Variants in ZC3H12B observed in about 807,000 individuals in gnomAD.
ZC3H12B encodes probable ribonuclease ZC3H12B.
A neutral mutation model predicts 43.9 loss-of-function variants in ZC3H12B; 7 were observed. The observed-to-expected ratio is 0.16, with a 90% CI of 0.09 to 0.30. The LOEUF is 0.30. Among genes scored for constraint, ZC3H12B ranks in the 10% least tolerant of loss-of-function variants. ZC3H12B has a pLI of 1.00. For missense variants in ZC3H12B, 475 were observed against 670.2 expected, an observed-to-expected ratio of 0.71 and a Z score of 3.22; for synonymous variants, 222 against 241.7, an observed-to-expected ratio of 0.92 and a Z score of 0.76.
At chrX:65,184,618 G>A in the ZC3H12B span, among the ~76,000 whole-genome samples, 5 of 111,735 alleles carry the variant, frequency 4.5e-5, no homozygotes, top group African/African-American at 1.6e-4. Context: ...AAAGGGATTA[G>A]AGAGGGGTTA....
the ZC3H12B span, among the ~76,000 whole-genome samples, chrX:65,044,399 C>G: frequency 9.0e-6 from 1 of 111,261 alleles, no homozygotes; most frequent in Non-Finnish European, 1.9e-5. Flanking sequence ...GAGATGTATT[C>G]AGAGGCCAAA....
chrX:65,332,802 C>A, the ZC3H12B span, among the ~76,000 whole-genome samples: 1 of 111,831 alleles, frequency 8.9e-6, no homozygotes, highest in Non-Finnish European at 1.9e-5. Flanking sequence ...AACATAGTAT[C>A]TGTTATTAGA....
chrX:65,432,308 C>T (rs1178700567), intron 3 of ZC3H12B, among the ~76,000 whole-genome samples: 1 of 111,454 alleles, frequency 9.0e-6, no homozygotes, highest in African/African-American at 3.3e-5. Context: ...TTTAGTTTCT[C>T]CTCAGACCCA....
At chrX:65,177,004 A>T in the ZC3H12B span, among the ~76,000 whole-genome samples, 1 of 112,413 alleles carries the variant, frequency 8.9e-6, no homozygotes, top group African/African-American at 3.2e-5. Flanking sequence ...AATATCCTTG[A>T]TCAACATTGT....
chrX:65,391,020 G>A (rs1031211782), intron 2 of ZC3H12B, among the ~76,000 whole-genome samples: 1 of 111,907 alleles, frequency 8.9e-6, no homozygotes, highest in Non-Finnish European at 1.9e-5. Flanking sequence ...GACAGACTGA[G>A]ACATTTAGTT....
chrX:65,352,842 T>C, the ZC3H12B span, among the ~76,000 whole-genome samples: 2 of 111,653 alleles, frequency 1.8e-5, no homozygotes, highest in African/African-American at 3.3e-5. Context: ...CGATAAGAGA[T>C]CTTTGTTTTT....
chrX:65,450,420 CAT>C (rs1351830304), intron 3 of ZC3H12B, among the ~76,000 whole-genome samples: 1 of 60,489 alleles, frequency 1.7e-5, no homozygotes, highest in Non-Finnish European at 2.9e-5. Context: ...TGTGTATATA[CAT>C]ATATATATTT....
At chrX:65,174,663 T>G in the ZC3H12B span, among the ~76,000 whole-genome samples, 1 of 112,076 alleles carries the variant, frequency 8.9e-6, no homozygotes, top group East Asian at 2.8e-4. Context: ...CCCGGCCTTC[T>G]TAGCACTGTC....
At chrX:65,212,588 TATATATAATATATAATTAC>T in the ZC3H12B span, among the ~76,000 whole-genome samples, 1 of 81,291 alleles carries the variant, frequency 1.2e-5, no homozygotes, top group East Asian at 3.8e-4. Flanking sequence ...CAGTATATAT[TATATATAATATATAATTAC>T]ATATATGATA....
chrX:65,226,309 A>T, the ZC3H12B span, among the ~76,000 whole-genome samples: 2 of 111,362 alleles, frequency 1.8e-5, no homozygotes, highest in Non-Finnish European at 3.8e-5. Flanking sequence ...TCCTTTACAG[A>T]CAAGCAAATG....
At chrX:65,394,777 T>C (rs1267028367) in intron 2 of ZC3H12B, among the ~76,000 whole-genome samples, 1 of 112,227 alleles carries the variant, frequency 8.9e-6, no homozygotes, top group East Asian at 2.8e-4. Context: ...GAATTGAATC[T>C]ATAAATTACT....
Position 65,492,361 on chromosome X carries a change from A to G in ZC3H12B, c.608+2952A>G, listed in dbSNP as rs148879374. 8.0e-5 allele frequency among the ~76,000 whole-genome samples: 9 copies of G among 112,449 alleles called. No individual in the cohort carries two copies. In the East Asian group the frequency reaches 2.5e-3, roughly 31 times the overall value. On this transcript the variant is annotated intron_variant, in intron 1 of 4. Transcript: ENST00000338957. ...TTACTTGGATAATTAGTTTCAACAT[A>G]TCTGGTCTATGTCAGTAGCAAACTG...
intron 3 of ZC3H12B, among the ~76,000 whole-genome samples, chrX:65,467,680 T>C (rs1336567970): frequency 1.8e-5 from 2 of 112,379 alleles, no homozygotes; most frequent in African/African-American, 6.4e-5. Flanking sequence ...GTTATTTTAA[T>C]TTGAATTTCC....
the ZC3H12B span, among the ~76,000 whole-genome samples, chrX:65,162,330 C>G: frequency 2.7e-5 from 3 of 111,897 alleles, no homozygotes; most frequent in East Asian, 2.8e-4. Flanking sequence ...CTAGATTGGG[C>G]AAGTTCTCCT....
intron 3 of ZC3H12B, among the ~76,000 whole-genome samples, chrX:65,436,162 T>C (rs2067219598): frequency 9.0e-6 from 1 of 111,124 alleles, no homozygotes; most frequent in African/African-American, 3.3e-5. Flanking sequence ...AAGAGGGAAG[T>C]ACCACACAGT....
the ZC3H12B span, among the ~76,000 whole-genome samples, chrX:65,277,242 G>A: frequency 1.1e-4 from 12 of 111,814 alleles, no homozygotes; most frequent in Admixed American, 1.1e-3. Flanking sequence ...TCTAAAGAGA[G>A]AGATAGACTG....
At chrX:65,338,336 C>A in the ZC3H12B span, among the ~76,000 whole-genome samples, 35 of 111,497 alleles carry the variant, frequency 3.1e-4, no homozygotes, top group African/African-American at 1.0e-3. Context: ...TCTGAAGAGA[C>A]CAATATTAAA....
the ZC3H12B span, among the ~76,000 whole-genome samples, chrX:65,180,363 T>C: frequency 1.8e-5 from 2 of 111,930 alleles, no homozygotes; most frequent in Non-Finnish European, 3.8e-5. Flanking sequence ...CTCAAAATAA[T>C]AAGAGGTATT....
chrX:65,488,059 G>A (rs1203477851), upstream of ZC3H12B, among the ~76,000 whole-genome samples: 1 of 110,600 alleles, frequency 9.0e-6, no homozygotes. Context: ...TTTTAGTAGA[G>A]ACGGGGTTTC....
Sources: allele counts gnomAD v4.1 joint callset (sites outside exome capture counted in the v4.1 genomes callset), GRCh38; gene constraint gnomAD v4.1.1; transcripts MANE v1.5; gene names NCBI Gene and HGNC (gene_info 2026-07-23, HGNC 2026-07-21).